The following ATP11C variants were observed in gnomAD, a reference collection of about 807,000 sequenced individuals.
The protein encoded by ATP11C is ATPase phospholipid transporting 11C (ATP11C blood group).
A neutral mutation model predicts 97.4 loss-of-function variants in ATP11C; 36 were observed. The observed-to-expected ratio is 0.37, with a 90% CI of 0.28 to 0.49. The LOEUF is 0.49. Ranked by LOEUF, ATP11C falls within the 20% of genes least tolerant of loss-of-function variation. The probability of loss-of-function intolerance (pLI) is 0.98; values close to 1 mark genes in which losing one functional copy is unlikely to be tolerated. For missense variants in ATP11C, 730 were observed against 824.6 expected (o/e 0.89, Z 1.40); for synonymous variants, 275 against 290.9 (o/e 0.95, Z 0.56).
intron 1 of ATP11C, among the ~76,000 whole-genome samples, chrX:139,875,826 G>C (rs765119332): frequency 9.0e-6 from 1 of 111,572 alleles, no homozygotes; most frequent in Non-Finnish European, 1.9e-5. Flanking sequence ...AGGGAACTGA[G>C]GTACAGGGAG....
At chrX:139,903,370 T>A (rs915418763) in intron 1 of ATP11C, among the ~76,000 whole-genome samples, 2 of 109,832 alleles carry the variant, frequency 1.8e-5, no homozygotes, top group Non-Finnish European at 3.8e-5. Flanking sequence ...GAGCCTTCCA[T>A]GCAAGGGTCC....
At chrX:139,792,017 C>T (rs762821872) in intron 12 of ATP11C, among the ~76,000 whole-genome samples, 1 of 110,684 alleles carries the variant, frequency 9.0e-6, no homozygotes, top group Non-Finnish European at 1.9e-5. Context: ...TGGTTCGGGG[C>T]CCCTAGATAG....
chrX:139,815,518 C>G (rs959199218), intron 4 of ATP11C, among the ~76,000 whole-genome samples: 16 of 111,348 alleles, frequency 1.4e-4, no homozygotes, highest in Admixed American at 1.9e-4. Context: ...TTGTAGAGAT[C>G]AACAGCTAAA....
At chrX:139,803,988 A>G (rs886772540) in intron 6 of ATP11C, among the ~76,000 whole-genome samples, 1 of 110,579 alleles carries the variant, frequency 9.0e-6, no homozygotes, top group African/African-American at 3.3e-5. Context: ...GGCGTGAGCC[A>G]CCGCACCCAG....
intron 1 of ATP11C, among the ~76,000 whole-genome samples, chrX:139,905,872 C>T (rs1314844044): frequency 9.0e-6 from 1 of 111,411 alleles, no homozygotes; most frequent in Non-Finnish European, 1.9e-5. Flanking sequence ...AAAATACTTC[C>T]ACTCTTTCAT....
intron 1 of ATP11C, among the ~76,000 whole-genome samples, chrX:139,862,132 G>A (rs2084210207): frequency 9.0e-6 from 1 of 111,708 alleles, no homozygotes; most frequent in African/African-American, 3.3e-5. Context: ...AACAGAAAGG[G>A]TTCAGAGGGC....
chrX:139,771,950 A>C (rs1474960257), intron 19 of ATP11C, among the ~76,000 whole-genome samples: 5 of 112,475 alleles, frequency 4.4e-5, no homozygotes, highest in Non-Finnish European at 9.4e-5. Flanking sequence ...CATAAGAAGC[A>C]AGGAGCCTAA....
Position 139,802,303 on chromosome X carries a change from T to C in ATP11C, c.592A>G (p.Thr198Ala). The C allele has an allele frequency of 8.3e-7, 1 of 1,207,715 alleles. No individual in the cohort carries two copies. Among genetic ancestry groups the C allele is most frequent in the South Asian group, 1.8e-5 (1 of 56,907 alleles). The change falls in exon 7 of 30, where the codon ACA becomes GCA. Residue 198 changes from threonine to alanine, a missense_variant. Transcript: ENST00000682941. ...YAVRDTIALC[T>A]AESIDTLRAA... The stretch of plus-strand genomic sequence containing the variant: ...CGGAGGGTATCGATGGATTCTGCTG[T>C]ACACAGTGCAATGGTATCACGTACT...
intron 18 of ATP11C, among the ~76,000 whole-genome samples, chrX:139,781,176 G>A (rs2082448824): frequency 9.0e-6 from 1 of 111,561 alleles, no homozygotes; most frequent in African/African-American, 3.3e-5. Flanking sequence ...ACTTTCCTCT[G>A]GGTTTCTTTT....
intron 1 of ATP11C, among the ~76,000 whole-genome samples, chrX:139,827,742 A>G (rs1194041156): frequency 9.0e-6 from 1 of 111,322 alleles, no homozygotes; most frequent in African/African-American, 3.3e-5. Flanking sequence ...ATGTTTTAAT[A>G]TATGTAGTCA....
upstream of ATP11C, among the ~76,000 whole-genome samples, chrX:139,936,375 T>C (rs962194426): frequency 9.0e-6 from 1 of 111,168 alleles, no homozygotes; most frequent in Non-Finnish European, 1.9e-5. Flanking sequence ...TCTGTGACTA[T>C]GTAAAGTAGG....
chrX:139,771,025 G>A (rs1159645734), intron 19 of ATP11C, among the ~76,000 whole-genome samples: 2 of 111,591 alleles, frequency 1.8e-5, no homozygotes, highest in Non-Finnish European at 3.8e-5. Context: ...GTGGTATTAG[G>A]AGGTGGGGCC....
chrX:139,742,865 A>T lies in ATP11C; in HGVS notation c.3030+694T>A, dbSNP rs1390735272. Among the ~76,000 whole-genome samples, 109 of 15,094 alleles carry T rather than the reference A, an allele frequency of 7.2e-3. 1 individual carries two copies. Among genetic ancestry groups the T allele is most frequent in the Middle Eastern group, 0.065 (3 of 46 alleles). 13.1% of individuals were successfully genotyped at this position (15,094 alleles called of 115,157 possible). A position where few individuals can be genotyped will look rare whatever the true frequency, so the allele number is the denominator to read the frequency against. On this transcript the variant is annotated intron_variant, in intron 26 of 29. Transcript: ENST00000682941. ...ATTTTTTTATATTTATTTTTAAATT[A>T]AAAAAAAAAAAATATATATATATAT... is the stretch of plus-strand genomic sequence containing the variant.
At chrX:139,795,201 A>G in intron 12 of ATP11C, among the ~76,000 whole-genome samples, 1 of 112,030 alleles carries the variant, frequency 8.9e-6, no homozygotes, top group Non-Finnish European at 1.9e-5. Context: ...GTATCTACAC[A>G]GGATGTAGAC....
rs1327499761 is a variant in ATP11C at position 139,919,405 on chromosome X, T to G, written c.27+12611A>C. On this transcript the variant is annotated intron_variant, in intron 1 of 29. Transcript: ENST00000682941. The stretch of plus-strand genomic sequence containing the variant: ...ATGGCTTGAACCCGGGAGGCGGAGG[T>G]TGCAGTGAGCAGAGATCGCAGCACT... 6.1e-5 allele frequency among the ~76,000 whole-genome samples: 6 copies of G among 98,974 alleles called. No homozygotes were observed. The South Asian group carries it at 2.5e-3, about 41-fold the overall frequency. 85.9% of individuals were successfully genotyped at this position (98,974 alleles called of 115,157 possible).
intron 1 of ATP11C, among the ~76,000 whole-genome samples, chrX:139,834,771 A>C (rs2083722184): frequency 8.9e-6 from 1 of 112,011 alleles, no homozygotes; most frequent in African/African-American, 3.2e-5. Context: ...CCCCAGACTG[A>C]ATTACATGGA....
intron 5 of ATP11C, among the ~76,000 whole-genome samples, chrX:139,814,457 A>C (rs184558233): frequency 1.8e-5 from 2 of 112,449 alleles, no homozygotes; most frequent in East Asian, 5.6e-4. Flanking sequence ...ATAGCAATTC[A>C]TAATACCCAA....
chrX:139,770,795 A>C (rs2148692074), intron 19 of ATP11C, among the ~76,000 whole-genome samples: 1 of 111,801 alleles, frequency 8.9e-6, no homozygotes, highest in South Asian at 3.8e-4. Context: ...GTTTTCCACA[A>C]GCCCTGGCTT....
chrX:139,933,229 G>A (rs971691330), upstream of ATP11C, among the ~76,000 whole-genome samples: 1 of 111,081 alleles, frequency 9.0e-6, no homozygotes, highest in Admixed American at 9.5e-5. Flanking sequence ...GCTAGTCCCG[G>A]GTTTGCCCAG....
Sources: gnomAD v4.1 joint callset for allele counts (sites outside exome capture counted in the v4.1 genomes callset) on GRCh38, gnomAD v4.1.1 for gene constraint, MANE v1.5 for transcripts, NCBI Gene and HGNC (gene_info 2026-07-23, HGNC 2026-07-21) for gene names.